Variants in PXDN observed in about 807,000 individuals in gnomAD.
PXDN encodes peroxidasin homolog.
A neutral mutation model predicts 140.3 loss-of-function variants in PXDN; 77 were observed. The ratio of observed to expected loss-of-function variants is 0.55; its 90% CI spans 0.46 to 0.66. The LOEUF is 0.66. Among genes scored for constraint, PXDN ranks in the 30% least tolerant of loss-of-function variants. The pLI is 0.00. For missense variants in PXDN, 1,838 were observed against 2,039.5 expected, an observed-to-expected ratio of 0.90 and a Z score of 1.90; for synonymous variants, 911 against 857.4, an observed-to-expected ratio of 1.06 and a Z score of -1.09.
rs1411146045 is a variant in PXDN at position 1,649,151 on chromosome 2, A to G, written c.2629T>C (p.Phe877Leu). The change falls in exon 17 of 23, where the codon TTC becomes CTC. Residue 877 changes from phenylalanine (F) to leucine (L), a missense_variant. Physicochemically the swap from Phe to Leu is conservative, Grantham distance 22. This residue lies in a region of PXDN where 850 missense variants were observed against 894.1 expected (regional missense o/e 0.95). Transcript: ENST00000252804. This position sits in a 1 kb window ranked among gnomAD's most constrained non-coding sequence, Gnocchi z 7.1. ...SRARSGARCM[F>L]FVRSSPVCGS... Reference sequence around the variant, plus strand: ...CACACAGGGCTGGAGCGCACGAAGAACATGCAGCGGGCCCCGCTCCTGGCC... The same window carrying G: ...CACACAGGGCTGGAGCGCACGAAGAGCATGCAGCGGGCCCCGCTCCTGGCC... 1.9e-6 allele frequency: 3 copies of G among 1,544,726 alleles called. No individual in the cohort carries two copies.
Position 1,639,416 on chromosome 2 carries a change from C to T in PXDN, c.3959G>A (p.Arg1320Lys). Residue 1320 changes from arginine to lysine, a missense_variant, in exon 20 of 23, where the codon AGG (arginine) becomes AAG (lysine). Transcript: ENST00000252804. This position sits in a 1 kb window ranked among gnomAD's most constrained non-coding sequence, Gnocchi z 5.0. ...AAAGGCATTGAACTGCCCCCTGGTC[C>T]TACAGTCTAAAATGGAAGCACAAAG... ...RVWQDCCEDC[R>K]TRGQFNAFSY... The T allele has an allele frequency of 6.2e-7, 1 of 1,613,968 alleles. No individual in the cohort carries two copies. The highest frequency in any genetic ancestry group is 8.5e-7 in the Non-Finnish European group (1 of 1,179,868).
Position 1,741,894 on chromosome 2 carries a change from A to C in PXDN, c.200+2362T>G, listed in dbSNP as rs533806482. Among the ~76,000 whole-genome samples the C allele has an allele frequency of 2.6e-5, 4 of 152,246 alleles. No homozygotes were observed. In the South Asian group the frequency reaches 8.3e-4, roughly 32 times the overall value. ...TATCATGTAGAACTGTGTCATCTCAAGCAACAGCCTACCAGACCATGCCCC... is the reference window on the plus strand; with the variant it reads ...TATCATGTAGAACTGTGTCATCTCACGCAACAGCCTACCAGACCATGCCCC... On this transcript the variant is annotated intron_variant, in intron 1 of 22. Coordinates refer to ENST00000252804, the MANE Select transcript of PXDN (RefSeq NM_012293.3).
chr2:1,689,057 C>T (rs1253459497), intron 3 of PXDN, among the ~76,000 whole-genome samples: 1 of 152,232 alleles, frequency 6.6e-6, no homozygotes, highest in Non-Finnish European at 1.5e-5. Flanking sequence ...CCCCAGCGAC[C>T]GAGAGCCCAG....
At chr2:1,740,910 T>G (rs79045587) in intron 1 of PXDN, among the ~76,000 whole-genome samples, 4,497 of 152,292 alleles carry the variant, frequency 0.03, 238 homozygotes, top group South Asian at 0.2. Context: ...TTCTCTGCAA[T>G]GCGACCTCCC....
At chr2:1,676,498 C>T (rs1683720074) in intron 8 of PXDN, 2 of 183,642 alleles carry the variant, frequency 1.1e-5, no homozygotes, top group Non-Finnish European at 2.3e-5. Context: ...CCTGAGGACG[C>T]CGTCCCAGCA....
In PXDN at chr2:1,649,625, T is replaced by C. The variant is rs776225867; in HGVS notation, c.2155A>G (p.Asn719Asp). The C allele has an allele frequency of 1.2e-6, 2 of 1,613,928 alleles. No individual in the cohort carries two copies. The highest frequency in any genetic ancestry group is 1.7e-5 in the Admixed American group (1 of 60,018). The change falls in exon 17 of 23, where the codon AAC (asparagine) becomes GAC (aspartate). Residue 719 changes from asparagine (N) to aspartate (D), a missense_variant. Asn to Asp is a conservative substitution (Grantham distance 23). Coordinates refer to ENST00000252804, the MANE Select transcript of PXDN (RefSeq NM_012293.3). This position sits in a 1 kb window ranked among gnomAD's most constrained non-coding sequence, Gnocchi z 7.1. ...VSPQYLNLIA[N>D]LSGCTAHRRV... is the part of the protein sequence containing the mutation. ...CGGTGGGCGGTACAGCCCGACAGGT[T>C]TGCGATGAGGTTCAGGTACTGTGGA...
chr2:1,709,360 G>A (rs11696014), intron 1 of PXDN, among the ~76,000 whole-genome samples: 102,252 of 152,038 alleles, frequency 0.67, 34,719 homozygotes, highest in Middle Eastern at 0.77. Context: ...TTGATCTGAC[G>A]AGGGCAGGGT....
In PXDN at chr2:1,714,826, C is replaced by A. The variant is rs1479841731; in HGVS notation, c.201-21692G>T. Among the ~76,000 whole-genome samples, 1 of 152,088 alleles carries A rather than the reference C, an allele frequency of 6.6e-6. No homozygotes were observed. Among genetic ancestry groups the A allele is most frequent in the Non-Finnish European group, 1.5e-5 (1 of 68,018 alleles). On this transcript the variant is annotated intron_variant, in intron 1 of 22. Transcript: ENST00000252804. The surrounding 1 kb of genome is among the most constrained non-coding windows in gnomAD (Gnocchi z 4.3). ...AAACCAGGCCTGGGTCAGATGGGGC[C>A]CCTGGCCAAGGGCACAGGAAGTAGG...
chr2:1,647,654 C>A (rs1304678854), intron 17 of PXDN, among the ~76,000 whole-genome samples: 1 of 152,216 alleles, frequency 6.6e-6, no homozygotes, highest in East Asian at 1.9e-4. Context: ...AGGCCTGGGT[C>A]TGGGCAACAC....
chr2:1,646,586 T>G (rs139494574), intron 17 of PXDN, among the ~76,000 whole-genome samples: 1 of 152,224 alleles, frequency 6.6e-6, no homozygotes, highest in Non-Finnish European at 1.5e-5. Context: ...TTAAATTTAA[T>G]AGGACATCAT....
chr2:1,698,973 T>C (rs144982684), intron 1 of PXDN, among the ~76,000 whole-genome samples: 95 of 152,306 alleles, frequency 6.2e-4, no homozygotes, highest in African/African-American at 2.2e-3. Flanking sequence ...CCTTTTGTTT[T>C]GCTGTAATGT....
upstream of PXDN, chr2:1,744,536 C>T (rs914985937): frequency 1.6e-6 from 2 of 1,217,756 alleles, no homozygotes; most frequent in Non-Finnish European, 2.1e-6. Flanking sequence ...CCGCGGCCCA[C>T]GTCCCAGCTG....
chr2:1,646,146 T>TG (rs1682846002), intron 17 of PXDN: 1 of 152,270 alleles, frequency 6.6e-6, no homozygotes, highest in Non-Finnish European at 1.5e-5. Flanking sequence ...CCTGGCCCCA[T>TG]GGTCTCTGAT....
chr2:1,653,187 C>T (rs957786809), intron 16 of PXDN: 1 of 297,386 alleles, frequency 3.4e-6, no homozygotes, highest in Non-Finnish European at 6.6e-6. Context: ...GTGATCTCAT[C>T]AGCTGGTTTC....
chr2:1,698,526 T>C (rs528850468), intron 1 of PXDN, among the ~76,000 whole-genome samples: 1 of 152,088 alleles, frequency 6.6e-6, no homozygotes, highest in Non-Finnish European at 1.5e-5. Flanking sequence ...TTAGAAGAAA[T>C]CCCTTTCCTG....
rs770349754 is a variant in PXDN at position 1,634,244 on chromosome 2, C to G, written c.4400G>C (p.Cys1467Ser). The G allele has an allele frequency of 1.5e-5, 24 of 1,605,584 alleles. No individual in the cohort carries two copies. Among genetic ancestry groups the G allele is most frequent in the Non-Finnish European group, 1.9e-5 (22 of 1,176,350 alleles). Residue 1467 changes from cysteine to serine, a missense_variant, in exon 23 of 23, where the codon TGT (cysteine) becomes TCT (serine). Transcript: ENST00000252804. The stretch of plus-strand genomic sequence containing the variant: ...CGCCCTCTTCTGTAAGCAGACTGGA[C>G]AGCAGGCCCCTGGGATGTTCACGGG... ...AVPVNIPGACCPVCLQKRAEE... is the reference protein window; with the variant it reads ...AVPVNIPGACSPVCLQKRAEE...
At chr2:1,661,996 G>A in intron 13 of PXDN, 76 bp downstream of exon 13, 1 of 1,331,236 alleles carries the variant, frequency 7.5e-7, no homozygotes, top group South Asian at 1.3e-5. Flanking sequence ...CCTTGCTCCA[G>A]GTAGTGGGTG....
In PXDN at chr2:1,647,694, C is replaced by T. The variant is rs536653905; in HGVS notation, c.3608+478G>A. Among the ~76,000 whole-genome samples the T allele has an allele frequency of 2.1e-4, 32 of 152,306 alleles. No individual in the cohort carries two copies. In the South Asian group the frequency reaches 6.2e-3, roughly 30 times the overall value. On this transcript the variant is annotated intron_variant, in intron 17 of 22. Transcript: ENST00000252804. ...AGTATGGAAGATGCTACAGGCCAAG[C>T]CTTAGGGGCTGGTGGCCCCAAGGGC... is the stretch of plus-strand genomic sequence containing the variant.
chr2:1,694,075 CA>C (rs976998973), intron 1 of PXDN, among the ~76,000 whole-genome samples: 1 of 152,130 alleles, frequency 6.6e-6, no homozygotes, highest in African/African-American at 2.4e-5. Flanking sequence ...ACAGAAAGAC[CA>C]ATTTCTTTAT....
Sources: gnomAD v4.1 joint callset for allele counts (sites outside exome capture counted in the v4.1 genomes callset) on GRCh38, gnomAD v4.1.1 for gene constraint, gnomAD v4.1.1 regional missense constraint, Gnocchi (gnomAD v3.1) non-coding constraint, MANE v1.5 for transcripts, NCBI Gene and HGNC (gene_info 2026-07-23, HGNC 2026-07-21) for gene names.